TMEM39A: variants seen among roughly 807,000 people sequenced by gnomAD.
TMEM39A encodes the protein suppressor of SQST-1 aggregates in rpl-43 mutants.
Under a neutral mutation model 51.9 loss-of-function variants are expected in TMEM39A, and 19 were observed. The ratio of observed to expected loss-of-function variants is 0.37; its 90% confidence interval spans 0.26 to 0.54. TMEM39A has a LOEUF of 0.54. TMEM39A is among the 20% of genes least tolerant of loss of function. The pLI is 0.88. For synonymous variants in TMEM39A, 197 were observed against 220.2 expected (o/e 0.89, Z 0.93); for missense variants, 433 against 590.5 (o/e 0.73, Z 2.76).
rs373631413 is a variant in TMEM39A, at chr3:119,451,404, A to G, written c.420+1043T>C. 115 of 808,714 alleles carry G rather than the reference A, an allele frequency of 1.4e-4. 2 individuals carry two copies. Among genetic ancestry groups the G allele is most frequent in the South Asian group, 1.4e-3 (92 of 66,612 alleles). The allele number at this position is 808,714 out of a possible 1,614,324, so 50.1% of individuals were successfully genotyped here. ...TTCATTTAAAATTTCACACTGAATTATAAGTTCCAAGATTAAAATTATTAG... is the reference window on the plus strand; with the variant it reads ...TTCATTTAAAATTTCACACTGAATTGTAAGTTCCAAGATTAAAATTATTAG... On this transcript the variant is annotated intron_variant, in intron 4 of 8. Coordinates refer to ENST00000319172, the MANE Select transcript of TMEM39A (RefSeq NM_018266.3).
intron 7 of TMEM39A, chr3:119,435,943 A>G (rs1226056371): frequency 1.6e-6 from 2 of 1,289,388 alleles, no homozygotes; most frequent in South Asian, 2.5e-5. Context: ...AATCTGTATC[A>G]GACATCAAGG....
intron 3 of TMEM39A, among the ~76,000 whole-genome samples, chr3:119,457,131 C>G (rs996849925): frequency 1.3e-5 from 2 of 152,004 alleles, no homozygotes; most frequent in Non-Finnish European, 2.9e-5. Flanking sequence ...CCATCACACA[C>G]GGTTAATTTT....
chr3:119,449,557 C>T (rs764454462), intron 4 of TMEM39A, among the ~76,000 whole-genome samples: 1 of 151,998 alleles, frequency 6.6e-6, no homozygotes, highest in Non-Finnish European at 1.5e-5. Context: ...ACCAAGGAGG[C>T]GGAGGTTGCA....
At chr3:119,435,036 G>A (rs1297430049) in intron 7 of TMEM39A, 154 bp from the exon 8 acceptor site, 1 of 943,804 alleles carries the variant, frequency 1.1e-6, no homozygotes, top group Non-Finnish European at 1.3e-6. Flanking sequence ...TCAAACTGGA[G>A]TAGTTTTAGA....
At chr3:119,449,596 TG>T (rs1343149984) in intron 4 of TMEM39A, among the ~76,000 whole-genome samples, 3 of 152,136 alleles carry the variant, frequency 2.0e-5, no homozygotes, top group Non-Finnish European at 4.4e-5. Context: ...ATTTACAGCC[TG>T]GGCGACAAGA....
At chr3:119,462,784 A>G (rs1196178068) in intron 1 of TMEM39A, among the ~76,000 whole-genome samples, 1 of 152,028 alleles carries the variant, frequency 6.6e-6, no homozygotes, top group Non-Finnish European at 1.5e-5. Context: ...AAAATATTGA[A>G]AGAAACTCTT....
chr3:119,436,672 A>G, intron 7 of TMEM39A, 119 bp downstream of exon 7: 1 of 1,110,974 alleles, frequency 9.0e-7, no homozygotes, highest in Non-Finnish European at 1.3e-6. Flanking sequence ...GCATCCATGT[A>G]AGACAAAAAC....
At chr3:119,435,897 A>G in intron 7 of TMEM39A, 2 of 1,289,662 alleles carry the variant, frequency 1.6e-6, no homozygotes, top group Non-Finnish European at 2.0e-6. Flanking sequence ...AGCCTGGCCC[A>G]ATCTCTTTCA....
intron 5 of TMEM39A, among the ~76,000 whole-genome samples, chr3:119,446,164 T>C (rs539481155): frequency 2.0e-5 from 3 of 152,370 alleles, no homozygotes; most frequent in Admixed American, 1.3e-4. Flanking sequence ...CAGTAAATCT[T>C]AGCAACCTCA....
chr3:119,455,776 C>A (rs2081256042), intron 3 of TMEM39A, among the ~76,000 whole-genome samples: 1 of 152,114 alleles, frequency 6.6e-6, no homozygotes, highest in Admixed American at 6.6e-5. Flanking sequence ...AAGAACTCTT[C>A]GATGAGACTG....
At chr3:119,447,481 G>C (rs555780618) in intron 4 of TMEM39A, among the ~76,000 whole-genome samples, 1 of 152,148 alleles carries the variant, frequency 6.6e-6, no homozygotes, top group South Asian at 2.1e-4. Context: ...ACATTATTTT[G>C]TTCCATCAGA....
At chr3:119,433,287 C>T (rs1388978542) in intron 8 of TMEM39A, among the ~76,000 whole-genome samples, 3 of 152,186 alleles carry the variant, frequency 2.0e-5, no homozygotes, top group African/African-American at 4.8e-5. Context: ...TGTTTTGAAA[C>T]TTCAGTGTGC....
Position 119,430,269 on chromosome 3 carries a change from AT to A in TMEM39A, c.*1711del, listed in dbSNP as rs773387326. 2 of 152,056 alleles carry A rather than the reference AT, an allele frequency of 1.3e-5. No homozygotes were observed. Among genetic ancestry groups the A allele is most frequent in the Admixed American group, 1.3e-4 (2 of 15,238 alleles). The allele number at this position is 152,056 out of a possible 1,614,324, so 9.4% of individuals were successfully genotyped here. A position where few individuals can be genotyped will look rare whatever the true frequency, so the allele number is the denominator to read the frequency against. On this transcript the variant is annotated 3_prime_UTR_variant, in exon 9 of 9. Coordinates refer to ENST00000319172, the MANE Select transcript of TMEM39A (RefSeq NM_018266.3). The stretch of plus-strand genomic sequence containing the variant: ...GTAACATGGAATTCTCCCCAAAGCT[AT>A]TTATATGATTCAGTCTTGCTTTTTC...
Position 119,430,816 on chromosome 3 carries a change from T to C in TMEM39A, c.*1165A>G, listed in dbSNP as rs565304811. ...TTTTTACTTCATAAGTCTTATTTTG[T>C]TTCACCAAAAGCTTCACAGTGTAAC... On this transcript the variant is annotated 3_prime_UTR_variant, in exon 9 of 9. Coordinates refer to ENST00000319172, the MANE Select transcript of TMEM39A (RefSeq NM_018266.3). 3 of 152,242 alleles carry C rather than the reference T, an allele frequency of 2.0e-5. No homozygotes were observed. The highest frequency in any genetic ancestry group is 2.0e-4 in the Admixed American group (3 of 15,296). 9.4% of individuals were successfully genotyped at this position (152,242 alleles called of 1,614,324 possible).
At chr3:119,437,372 A>T (rs1321663796) in intron 6 of TMEM39A, among the ~76,000 whole-genome samples, 1 of 152,152 alleles carries the variant, frequency 6.6e-6, no homozygotes, top group Non-Finnish European at 1.5e-5. Context: ...AGTTTAGATA[A>T]GGGCTAGATT....
In TMEM39A at chr3:119,431,295, A is replaced by C. The variant is rs561508008; in HGVS notation, c.*686T>G. The C allele has an allele frequency of 6.6e-6, 1 of 152,294 alleles. No individual in the cohort carries two copies. Among genetic ancestry groups the C allele is most frequent in the South Asian group, 2.1e-4 (1 of 4,832 alleles). The allele number at this position is 152,294 out of a possible 1,614,324, so 9.4% of individuals were successfully genotyped here. ...AGTCTAAAGACTTCCTGTCTGGCAA[A>C]GTATTATTTCAAACAACTAAGAGGA... is the stretch of plus-strand genomic sequence containing the variant. On this transcript the variant is annotated 3_prime_UTR_variant, in exon 9 of 9. Transcript: ENST00000319172.
chr3:119,440,950 A>C (rs1413458654), intron 5 of TMEM39A, among the ~76,000 whole-genome samples: 1 of 152,148 alleles, frequency 6.6e-6, no homozygotes, highest in African/African-American at 2.4e-5. Context: ...CAATATTTCA[A>C]ACTTTTTCAT....
At chr3:119,433,276 C>T (rs531508588) in intron 8 of TMEM39A, among the ~76,000 whole-genome samples, 1 of 152,262 alleles carries the variant, frequency 6.6e-6, no homozygotes, top group South Asian at 2.1e-4. Context: ...CTTTAAATGA[C>T]TGTTTTGAAA....
intron 3 of TMEM39A, among the ~76,000 whole-genome samples, chr3:119,457,670 C>T (rs1469663218): frequency 6.6e-6 from 1 of 152,194 alleles, no homozygotes; most frequent in East Asian, 1.9e-4. Flanking sequence ...TATCCTAATT[C>T]AGCCATTAAA....
Sources: gnomAD v4.1 joint callset for allele counts (sites outside exome capture counted in the v4.1 genomes callset) on GRCh38, gnomAD v4.1.1 for gene constraint, MANE v1.5 for transcripts, NCBI Gene and HGNC (gene_info 2026-07-23, HGNC 2026-07-21) for gene names.